Variants in LZTFL1 observed in about 807,000 individuals in gnomAD.
LZTFL1 encodes leucine zipper transcription factor-like protein 1.
Under a neutral mutation model 45.9 loss-of-function variants are expected in LZTFL1, and 25 were observed. The observed-to-expected ratio is 0.54, with a 90% CI of 0.40 to 0.76. The LOEUF (loss-of-function observed/expected upper bound fraction) is 0.76. Ranked by LOEUF, LZTFL1 falls within the 30% of genes least tolerant of loss-of-function variation. The probability of loss-of-function intolerance (pLI) is 0.00; values close to 1 mark genes in which losing one functional copy is unlikely to be tolerated. For synonymous variants in LZTFL1, 93 were observed against 117.4 expected (o/e 0.79, Z 1.35); for missense variants, 277 against 331.1 (o/e 0.84, Z 1.27).
At chr3:45,847,635 C>A (rs1007580722) in intron 4 of LZTFL1, among the ~76,000 whole-genome samples, 5 of 152,210 alleles carry the variant, frequency 3.3e-5, no homozygotes. Flanking sequence ...TGGAACTAAT[C>A]CAGAATAAGG....
At chr3:45,854,363 C>T (rs998606473) in intron 4 of LZTFL1, 2 of 152,900 alleles carry the variant, frequency 1.3e-5, no homozygotes, top group Non-Finnish European at 2.9e-5. Flanking sequence ...GTCAGGAGTT[C>T]GAGACCAGCC....
intron 2 of LZTFL1, among the ~76,000 whole-genome samples, chr3:45,878,514 G>A (rs1401832210): frequency 6.6e-6 from 1 of 151,930 alleles, no homozygotes; most frequent in African/African-American, 2.4e-5. Flanking sequence ...CTGGGGGATG[G>A]GGCCCATTTC....
intron 2 of LZTFL1, among the ~76,000 whole-genome samples, chr3:45,866,287 C>T (rs767713627): frequency 2.1e-4 from 32 of 151,988 alleles, no homozygotes; most frequent in African/African-American, 4.1e-4. Context: ...GTTTATAGTG[C>T]GCTAATCATA....
chr3:45,857,012 A>G (rs1335435327), intron 3 of LZTFL1, among the ~76,000 whole-genome samples: 1 of 152,208 alleles, frequency 6.6e-6, no homozygotes, highest in East Asian at 1.9e-4. Flanking sequence ...CAGCAATCCC[A>G]CTACTGGGTA....
chr3:45,896,688 T>C (rs962757473), intron 2 of LZTFL1, among the ~76,000 whole-genome samples: 2 of 152,186 alleles, frequency 1.3e-5, no homozygotes, highest in Non-Finnish European at 2.9e-5. Flanking sequence ...GTCTCAATGT[T>C]GGGATTTAAT....
chr3:45,843,559 C>A (rs1310379519), upstream of LZTFL1, among the ~76,000 whole-genome samples: 1 of 152,302 alleles, frequency 6.6e-6, no homozygotes, highest in South Asian at 2.1e-4. Flanking sequence ...GTTATCAATT[C>A]AAGGGAATGA....
chr3:45,906,999 T>C (rs1029411921), intron 2 of LZTFL1, among the ~76,000 whole-genome samples: 3 of 152,204 alleles, frequency 2.0e-5, no homozygotes, highest in African/African-American at 7.2e-5. Context: ...CATTACTCAC[T>C]GCTGTCCCCA....
At position 45,833,048 on chromosome 3, in the gene LZTFL1, AC is replaced by A. The variant is rs752862177; in HGVS notation, c.456+1del. 1 of 1,608,110 alleles carries A rather than the reference AC, an allele frequency of 6.2e-7. No homozygotes were observed. The highest frequency in any genetic ancestry group is 1.1e-5 in the South Asian group (1 of 90,940). On this transcript the variant is annotated splice_donor_variant, in intron 5 of 9. Coordinates refer to ENST00000296135, the MANE Select transcript of LZTFL1 (RefSeq NM_020347.4). LOFTEE classifies it high-confidence loss of function. ...TTCCGTTTCTCAAAATAATAATATT[AC>A]CTTGTTTAGGAGTTCTGCTGTTCCA...
rs72883072 is a variant in LZTFL1, at chr3:45,870,806, C to T, written c.-214-11790G>A. Among the ~76,000 whole-genome samples the T allele has an allele frequency of 8.9e-3, 1,351 of 152,310 alleles. 21 individuals are homozygous for T. The highest frequency in any genetic ancestry group is 0.031 in the African/African-American group (1,281 of 41,566). The stretch of plus-strand genomic sequence containing the variant: ...GTCTCCTTCACCACCTTCCACCACC[C>T]CCTGACTTCTTCCAGGAGCTAAGCA... On this transcript the variant is annotated intron_variant, in intron 2 of 4. Transcript: ENST00000472635.
In LZTFL1 at chr3:45,898,508, T is replaced by A. The variant is rs572609770; in HGVS notation, c.-215+14612A>T. 2.0e-5 allele frequency among the ~76,000 whole-genome samples: 3 copies of A among 152,362 alleles called. No individual in the cohort carries two copies. The South Asian group carries it at 6.2e-4, about 32-fold the overall frequency. The stretch of plus-strand genomic sequence containing the variant: ...TAGTTCTTTGCGTTTGTGGGCCATT[T>A]CCAGCTGCCCTGGCCTGAAGAGCCG... On this transcript the variant is annotated intron_variant, in intron 2 of 4. Transcript: ENST00000472635.
At chr3:45,884,448 G>T (rs888778391) in intron 2 of LZTFL1, among the ~76,000 whole-genome samples, 5 of 152,130 alleles carry the variant, frequency 3.3e-5, no homozygotes, top group Non-Finnish European at 7.4e-5. Context: ...GCATGTGAGT[G>T]CTCTAGAGCA....
chr3:45,844,813 G>A (rs1701192418), upstream of LZTFL1, among the ~76,000 whole-genome samples: 1 of 152,166 alleles, frequency 6.6e-6, no homozygotes, highest in African/African-American at 2.4e-5. Context: ...GACCAGCAGG[G>A]TATTGGAGAG....
intron 2 of LZTFL1, among the ~76,000 whole-genome samples, chr3:45,908,171 C>T (rs138695700): frequency 6.6e-6 from 1 of 152,204 alleles, no homozygotes; most frequent in Non-Finnish European, 1.5e-5. Context: ...GAATTTGGTG[C>T]AAGGGATGCT....
intron 2 of LZTFL1, among the ~76,000 whole-genome samples, chr3:45,895,625 A>T (rs9823523): frequency 0.098 from 14,978 of 152,094 alleles, 764 homozygotes; most frequent in Middle Eastern, 0.12. Context: ...GAGGCACGAG[A>T]GTCGCTTGAG....
intron 2 of LZTFL1, among the ~76,000 whole-genome samples, chr3:45,898,310 G>A (rs17714101): frequency 0.086 from 13,099 of 152,264 alleles, 975 homozygotes; most frequent in South Asian, 0.36. Context: ...AGCGTTGGGA[G>A]GATTCTCCTG....
chr3:45,874,760 T>C (rs1473028580), intron 2 of LZTFL1, among the ~76,000 whole-genome samples: 1 of 152,212 alleles, frequency 6.6e-6, no homozygotes, highest in Non-Finnish European at 1.5e-5. Context: ...CTTTGACCAA[T>C]AGTATGCAAC....
intron 2 of LZTFL1, among the ~76,000 whole-genome samples, chr3:45,867,880 AG>A (rs1170040988): frequency 6.6e-6 from 1 of 152,100 alleles, no homozygotes; most frequent in Non-Finnish European, 1.5e-5. Flanking sequence ...AACCTATATT[AG>A]CCAAAGATAA....
chr3:45,911,656 G>C (rs977468154), intron 2 of LZTFL1, among the ~76,000 whole-genome samples: 1 of 152,218 alleles, frequency 6.6e-6, no homozygotes, highest in African/African-American at 2.4e-5. Flanking sequence ...GCCCTAGCTG[G>C]GCCAGCCCCT....
chr3:45,839,821 C>T (rs1188452188), intron 1 of LZTFL1, among the ~76,000 whole-genome samples: 1 of 152,216 alleles, frequency 6.6e-6, no homozygotes, highest in Non-Finnish European at 1.5e-5. Context: ...ACATGCTCCA[C>T]CACATCACTG....
Sources: gnomAD v4.1 joint callset for allele counts (sites outside exome capture counted in the v4.1 genomes callset) on GRCh38, gnomAD v4.1.1 for gene constraint, MANE v1.5 for transcripts, NCBI Gene and HGNC (gene_info 2026-07-23, HGNC 2026-07-21) for gene names.